Variants in RBBP4 observed in about 807,000 individuals in gnomAD.
RBBP4 encodes the protein histone-binding protein RBBP4.
RBBP4 carries 3 observed loss-of-function variants against 57.2 expected under a neutral mutation model. The ratio of observed to expected loss-of-function variants is 0.05; its 90% CI spans 0.02 to 0.14. The LOEUF is 0.14. Among genes scored for constraint, RBBP4 ranks in the 10% least tolerant of loss-of-function variants. RBBP4 has a pLI of 1.00. For missense variants in RBBP4, 107 were observed against 520.6 expected (o/e 0.21, Z 7.73); for synonymous variants, 151 against 171.5 (o/e 0.88, Z 0.93).
intron 3 of RBBP4, among the ~76,000 whole-genome samples, chr1:32,659,195 C>CAT (rs1054488556): frequency 2.0e-5 from 3 of 149,844 alleles, no homozygotes; most frequent in African/African-American, 7.3e-5. Context: ...TATACACACA[C>CAT]ATATATGTGG....
At chr1:32,662,855 G>A (rs1390881425) in intron 3 of RBBP4, among the ~76,000 whole-genome samples, 2 of 151,852 alleles carry the variant, frequency 1.3e-5, no homozygotes, top group African/African-American at 4.8e-5. Context: ...GTGGTGGTGT[G>A]TGCCTGTAGT....
chr1:32,662,190 GTT>G (rs991363465), intron 3 of RBBP4: 1 of 327,882 alleles, frequency 3.0e-6, no homozygotes, highest in African/African-American at 2.2e-5. Context: ...GGGTTTTTTT[GTT>G]TTTTTGGGGT....
At chr1:32,657,623 A>G in intron 3 of RBBP4, 51 bp downstream of exon 3, 2 of 1,560,412 alleles carry the variant, frequency 1.3e-6, no homozygotes, top group Non-Finnish European at 1.7e-6. Flanking sequence ...CATATCTGTT[A>G]TGTGCACTTT....
intron 11 of RBBP4, among the ~76,000 whole-genome samples, chr1:32,677,947 C>T (rs539247079): frequency 6.6e-5 from 10 of 152,022 alleles, no homozygotes; most frequent in Non-Finnish European, 1.5e-4. Context: ...AAGATTATGC[C>T]GTTGGATACA....
At chr1:32,666,381 C>T (rs571704510) in intron 3 of RBBP4, among the ~76,000 whole-genome samples, 6 of 148,388 alleles carry the variant, frequency 4.0e-5, no homozygotes, top group Admixed American at 6.8e-5. Flanking sequence ...TTTTTTGAGA[C>T]GGAGTCTTGC....
Position 32,681,835 on chromosome 1 carries a change from T to C in RBBP4, c.*2130T>C, listed in dbSNP as rs1003890987. Reference sequence around the variant, plus strand: ...TTTTTTGCTGTTTCCGGGTTACAGATTTGGCCATATATTTCTAAACAGCCC... The same window carrying C: ...TTTTTTGCTGTTTCCGGGTTACAGACTTGGCCATATATTTCTAAACAGCCC... On this transcript the variant is annotated 3_prime_UTR_variant, in exon 12 of 12. Transcript: ENST00000373493. 6.2e-7 allele frequency: 1 copy of C among 1,614,166 alleles called. No individual in the cohort carries two copies. The highest frequency in any genetic ancestry group is 2.2e-5 in the East Asian group (1 of 44,884).
chr1:32,679,374 C>T (rs1308164827), intron 11 of RBBP4, among the ~76,000 whole-genome samples: 1 of 152,188 alleles, frequency 6.6e-6, no homozygotes, highest in Admixed American at 6.5e-5. Flanking sequence ...ATCCACACTG[C>T]AGTTTTGTGG....
intron 2 of RBBP4, chr1:32,652,345 C>T (rs1254954902): frequency 3.4e-6 from 1 of 293,712 alleles, no homozygotes; most frequent in Admixed American, 4.6e-5. Context: ...TAGTACAAAA[C>T]TTGTCAACTT....
intron 11 of RBBP4, chr1:32,673,442 CTT>C: frequency 8.2e-6 from 3 of 366,634 alleles, no homozygotes; most frequent in African/African-American, 7.0e-5. Context: ...TAAATTTTCT[CTT>C]TTTTTTTTTT....
At chr1:32,676,629 GAAA>G (rs1553196655) in intron 11 of RBBP4, among the ~76,000 whole-genome samples, 1 of 32,348 alleles carries the variant, frequency 3.1e-5, no homozygotes. Flanking sequence ...AAAAAAAAAA[GAAA>G]AAGAAAAGCT....
At chr1:32,671,238 T>C (rs1648863178) in intron 8 of RBBP4, among the ~76,000 whole-genome samples, 1 of 152,164 alleles carries the variant, frequency 6.6e-6, no homozygotes, top group Non-Finnish European at 1.5e-5. Context: ...CTTTAGTTCT[T>C]AGGTCAGAAT....
chr1:32,651,539 G>A (rs1158555256), intron 1 of RBBP4: 6 of 1,260,580 alleles, frequency 4.8e-6, no homozygotes, highest in Non-Finnish European at 6.2e-6. Flanking sequence ...TGGGGCCCCC[G>A]GCCAGTGTTT....
chr1:32,673,244 T>C (rs146023870), intron 11 of RBBP4, among the ~76,000 whole-genome samples: 143 of 152,312 alleles, frequency 9.4e-4, no homozygotes, highest in African/African-American at 3.2e-3. Flanking sequence ...CTAGTTCTAG[T>C]TCACTTCCAG....
chr1:32,651,232 A>T lies in RBBP4; in HGVS notation c.-75A>T. 1.3e-6 allele frequency: 2 copies of T among 1,505,116 alleles called. No homozygotes were observed. Among genetic ancestry groups the T allele is most frequent in the Non-Finnish European group, 1.8e-6 (2 of 1,125,234 alleles). The allele number at this position is 1,505,116 out of a possible 1,614,324, so 93.2% of individuals were successfully genotyped here. ...AGGAAACAATAGAGGCCGCGCGCAC[A>T]GAGCGAGCTCTTGCAGCCTCCCCGC... On this transcript the variant is annotated 5_prime_UTR_variant, in exon 1 of 12. Coordinates refer to ENST00000373493, the MANE Select transcript of RBBP4 (RefSeq NM_005610.3).
At chr1:32,676,823 G>T (rs975709872) in intron 11 of RBBP4, among the ~76,000 whole-genome samples, 4 of 151,776 alleles carry the variant, frequency 2.6e-5, no homozygotes, top group African/African-American at 9.7e-5. Flanking sequence ...CGTACCTGTA[G>T]TCCCAGTTCC....
intron 11 of RBBP4, 100 bp downstream of exon 11, chr1:32,673,001 T>C: frequency 7.0e-6 from 7 of 1,003,680 alleles, no homozygotes; most frequent in Non-Finnish European, 1.0e-5. Context: ...TCTCTGTTCA[T>C]TTTACTCCCA....
At chr1:32,656,311 C>T (rs1475913334) in intron 2 of RBBP4, among the ~76,000 whole-genome samples, 2 of 151,814 alleles carry the variant, frequency 1.3e-5, no homozygotes, top group African/African-American at 4.8e-5. Flanking sequence ...TCTTGTGCCT[C>T]AGCCTCCCAA....
chr1:32,671,200 G>C (rs944579618), intron 8 of RBBP4, among the ~76,000 whole-genome samples: 12 of 152,104 alleles, frequency 7.9e-5, no homozygotes, highest in African/African-American at 2.7e-4. Flanking sequence ...AATACTTGGG[G>C]ACATAGTTAT....
chr1:32,651,736 G>A (rs1462213262), intron 1 of RBBP4, 178 bp from the exon 2 acceptor site: 1 of 838,324 alleles, frequency 1.2e-6, no homozygotes, highest in South Asian at 1.8e-5. Context: ...GTTTGGCGGG[G>A]ATGGCCCGAG....
Sources: allele counts gnomAD v4.1 joint callset (sites outside exome capture counted in the v4.1 genomes callset), GRCh38; gene constraint gnomAD v4.1.1; transcripts MANE v1.5; gene names NCBI Gene and HGNC (gene_info 2026-07-23, HGNC 2026-07-21).